The following TTC34 variants were observed in gnomAD, a reference collection of about 807,000 sequenced individuals.
The protein encoded by TTC34 is tetratricopeptide repeat protein 34.
TTC34 carries 44 observed loss-of-function variants against 40.7 expected under a neutral mutation model. That is an observed-to-expected ratio of 1.08 (90% CI 0.85 to 1.39). TTC34 has a LOEUF of 1.39. Ranked by LOEUF, TTC34 falls within the 40% of genes most tolerant of loss-of-function variation. The probability of loss-of-function intolerance (pLI) is 0.00; values close to 1 mark genes in which losing one functional copy is unlikely to be tolerated. For synonymous variants in TTC34, 422 were observed against 398.6 expected (o/e 1.06, Z -0.70); for missense variants, 884 against 838.0 (o/e 1.05, Z -0.68).
chr1:2,684,694 ACAGCC>A (rs1640240557), intron 6 of TTC34, among the ~76,000 whole-genome samples: 1 of 124,498 alleles, frequency 8.0e-6, no homozygotes, highest in Non-Finnish European at 1.6e-5. Flanking sequence ...TGAGCATCTG[ACAGCC>A]TGGAACGGCA....
At chr1:2,777,695 G>GGC (rs1164510204) in intron 6 of TTC34, among the ~76,000 whole-genome samples, 1 of 151,764 alleles carries the variant, frequency 6.6e-6, no homozygotes, top group South Asian at 2.1e-4. Flanking sequence ...GCATGGGGGG[G>GGC]GGGGCGCAGC....
chr1:2,761,028 G>A lies in TTC34; in HGVS notation c.2226+22581C>T, dbSNP rs1450556431. Among the ~76,000 whole-genome samples the A allele has an allele frequency of 1.5e-4, 11 of 73,344 alleles. 5 individuals carry two copies. Among genetic ancestry groups the A allele is most frequent in the Non-Finnish European group, 2.6e-4 (11 of 42,636 alleles). The allele number at this position is 73,344 out of a possible 152,430, so 48.1% of individuals were successfully genotyped here. ...CCCAGAGGTGAGCATATGACCACCT[G>A]GAGCAGCACCCACAGTCCCAGGTGA... is the stretch of plus-strand genomic sequence containing the variant. On this transcript the variant is annotated intron_variant, in intron 6 of 8. Transcript: ENST00000401095.
Position 2,638,240 on chromosome 1 carries a change from G to GT in TTC34, c.*3127dup, listed in dbSNP as rs1041217098. ...GAACCACTTTCACACCAAAATGCTC[G>GT]TAAGATGTTACAAATTCACACACGG... On this transcript the variant is annotated 3_prime_UTR_variant, in exon 9 of 9. Coordinates refer to ENST00000401095, the Ensembl canonical transcript of TTC34. 8 of 152,132 alleles carry GT rather than the reference G, an allele frequency of 5.3e-5. No individual in the cohort carries two copies. The South Asian group carries it at 8.3e-4, about 16-fold the overall frequency. The allele number at this position is 152,132 out of a possible 1,614,324, so 9.4% of individuals were successfully genotyped here. A position where few individuals can be genotyped will look rare whatever the true frequency, so the allele number is the denominator to read the frequency against.
chr1:2,685,744 G>T (rs1240340797), intron 6 of TTC34, among the ~76,000 whole-genome samples: 14 of 142,902 alleles, frequency 9.8e-5, no homozygotes, highest in East Asian at 8.9e-4. Context: ...TGATGGTCTG[G>T]AGCAGAACCC....
At chr1:2,688,052 G>T (rs1452843229) in intron 6 of TTC34, among the ~76,000 whole-genome samples, 13 of 140,104 alleles carry the variant, frequency 9.3e-5, no homozygotes, top group Middle Eastern at 4.2e-3. Context: ...CACACCCCCA[G>T]GTAAGCATCT....
chr1:2,688,350 GCCTGGA>G (rs1640468131), intron 6 of TTC34, among the ~76,000 whole-genome samples: 1 of 88,502 alleles, frequency 1.1e-5, no homozygotes. Flanking sequence ...GCATCGGACA[GCCTGGA>G]GCAGCACCCA....
At chr1:2,698,652 A>G (rs1191969724) in intron 6 of TTC34, among the ~76,000 whole-genome samples, 3 of 34,176 alleles carry the variant, frequency 8.8e-5, no homozygotes, top group Non-Finnish European at 1.5e-4. Flanking sequence ...CCACACCGCC[A>G]GGCCAGCATC....
At chr1:2,643,175 T>G (rs557731453) in intron 8 of TTC34, among the ~76,000 whole-genome samples, 2 of 152,224 alleles carry the variant, frequency 1.3e-5, no homozygotes, top group East Asian at 1.9e-4. Flanking sequence ...CAGACTCCCC[T>G]GAGCCCGCGG....
intron 5 of TTC34, 83 bp downstream of exon 5, chr1:2,785,736 C>T (rs1348267666): frequency 7.0e-7 from 1 of 1,437,868 alleles, no homozygotes; most frequent in Non-Finnish European, 9.3e-7. Flanking sequence ...TGCGTGTCCC[C>T]ACCAACCAGC....
At chr1:2,641,296 C>G in exon 9 of TTC34, 1 of 1,435,460 alleles carries the variant, frequency 7.0e-7, no homozygotes, top group East Asian at 2.5e-5. Flanking sequence ...CTGGGTACAC[C>G]CCTGGGCCTG....
rs536665766 is a variant in TTC34 at position 2,686,208 on chromosome 1, C to G, written c.2227-40645G>C. On this transcript the variant is annotated intron_variant, in intron 6 of 8. Coordinates refer to ENST00000401095, the Ensembl canonical transcript of TTC34. ...CTGGAGCAGCGCCCACACCCCCAGGCGAGCATCTGACAGCCTGGAGCAGTG... is the reference window on the plus strand; with the variant it reads ...CTGGAGCAGCGCCCACACCCCCAGGGGAGCATCTGACAGCCTGGAGCAGTG... Among the ~76,000 whole-genome samples the G allele has an allele frequency of 4.2e-4, 8 of 18,960 alleles. No homozygotes were observed. The South Asian group carries it at 6.1e-3, about 14-fold the overall frequency. The allele number at this position is 18,960 out of a possible 152,430, so 12.4% of individuals were successfully genotyped here.
chr1:2,752,090 C>A (rs1230583864), intron 6 of TTC34, among the ~76,000 whole-genome samples: 2 of 112,092 alleles, frequency 1.8e-5, no homozygotes, highest in Non-Finnish European at 3.5e-5. Context: ...GCACCCACAC[C>A]TTCAGGCGAG....
At chr1:2,685,427 C>T (rs1198429762) in intron 6 of TTC34, among the ~76,000 whole-genome samples, 2 of 138,798 alleles carry the variant, frequency 1.4e-5, no homozygotes, top group East Asian at 4.1e-4. Context: ...GAGTCTGGAG[C>T]AGCGCCCACA....
At chr1:2,685,256 G>T (rs55641610) in intron 6 of TTC34, among the ~76,000 whole-genome samples, 4 of 21,428 alleles carry the variant, frequency 1.9e-4, no homozygotes, top group Admixed American at 6.1e-4. Flanking sequence ...GAGCATCTGA[G>T]AGCCTGGAAC....
intron 6 of TTC34, among the ~76,000 whole-genome samples, chr1:2,686,556 G>A (rs1339337914): frequency 5.1e-5 from 1 of 19,732 alleles, no homozygotes; most frequent in East Asian, 1.4e-3. Flanking sequence ...GGAACAGCAC[G>A]CACACACCCA....
At chr1:2,749,687 C>CCT (rs1641254833) in intron 6 of TTC34, among the ~76,000 whole-genome samples, 1 of 85,226 alleles carries the variant, frequency 1.2e-5, no homozygotes, top group Admixed American at 1.2e-4. Flanking sequence ...ACCTGCACAC[C>CCT]CAGGTGAGCA....
At chr1:2,792,703 T>G (rs556836552) in intron 2 of TTC34, among the ~76,000 whole-genome samples, 1 of 152,350 alleles carries the variant, frequency 6.6e-6, no homozygotes, top group Non-Finnish European at 1.5e-5. Flanking sequence ...TTTAAGTAGA[T>G]TTAATACACA....
chr1:2,759,514 C>G (rs1641621667), intron 6 of TTC34, among the ~76,000 whole-genome samples: 4 of 140,314 alleles, frequency 2.9e-5, no homozygotes, highest in Admixed American at 7.0e-5. Flanking sequence ...GAGCAGCACC[C>G]ACACCCCCAG....
chr1:2,643,954 G>A (rs1334227104), intron 8 of TTC34, among the ~76,000 whole-genome samples: 1 of 152,260 alleles, frequency 6.6e-6, no homozygotes, highest in Admixed American at 6.5e-5. Context: ...TTCCTGCCGG[G>A]CAAGGTGCCC....
Sources: allele counts gnomAD v4.1 joint callset (sites outside exome capture counted in the v4.1 genomes callset), GRCh38; gene constraint gnomAD v4.1.1; transcripts MANE v1.5; gene names NCBI Gene and HGNC (gene_info 2026-07-23, HGNC 2026-07-21).